The following PXDNL variants were observed in gnomAD, a reference collection of about 807,000 sequenced individuals.
The protein encoded by PXDNL is probable oxidoreductase PXDNL.
In PXDNL, 145 loss-of-function variants were observed where a neutral mutation model predicts 150.8. The observed-to-expected ratio is 0.96, with a 90% CI of 0.84 to 1.10. PXDNL has a LOEUF of 1.10. Ranked by LOEUF, PXDNL falls within the 50% of genes least tolerant of loss-of-function variation. The pLI, the probability that PXDNL is intolerant of heterozygous loss-of-function variation, is 0.00. For missense variants in PXDNL, 2,087 were observed against 1,873.9 expected, an observed-to-expected ratio of 1.11 and a Z score of -2.10; for synonymous variants, 757 against 725.7, an observed-to-expected ratio of 1.04 and a Z score of -0.69.
At chr8:51,533,237 G>C (rs1402224909) in intron 4 of PXDNL, among the ~76,000 whole-genome samples, 1 of 151,872 alleles carries the variant, frequency 6.6e-6, no homozygotes, top group Non-Finnish European at 1.5e-5. Flanking sequence ...TGCAACCTCT[G>C]CCTCCTGGGT....
At chr8:51,720,348 T>A (rs7841882) in intron 1 of PXDNL, among the ~76,000 whole-genome samples, 147,824 of 152,100 alleles carry the variant, frequency 0.97, 71,977 homozygotes, top group East Asian at 1. Context: ...ACACTTTGAA[T>A]ATGTTTTTGG....
At chr8:51,470,589 T>G (rs1377005828) in intron 8 of PXDNL, among the ~76,000 whole-genome samples, 2 of 152,096 alleles carry the variant, frequency 1.3e-5, no homozygotes, top group East Asian at 3.9e-4. Flanking sequence ...TATAGTGCAC[T>G]TAATGTTTCT....
chr8:51,470,219 T>G (rs1810294417), intron 8 of PXDNL, among the ~76,000 whole-genome samples: 2 of 152,118 alleles, frequency 1.3e-5, no homozygotes, highest in South Asian at 4.1e-4. Context: ...TTCTATCAAT[T>G]GAAGTCTTTC....
chr8:51,471,603 T>C (rs1006607817), intron 8 of PXDNL, among the ~76,000 whole-genome samples: 27 of 152,108 alleles, frequency 1.8e-4, no homozygotes, highest in Non-Finnish European at 8.8e-5. Context: ...TTGTTATTAA[T>C]CCCAACATTT....
chr8:51,749,868 T>C (rs1439393399), intron 1 of PXDNL, among the ~76,000 whole-genome samples: 1 of 152,008 alleles, frequency 6.6e-6, no homozygotes, highest in Non-Finnish European at 1.5e-5. Flanking sequence ...GCCCAGCTAA[T>C]TTTTGTATTT....
intron 2 of PXDNL, among the ~76,000 whole-genome samples, chr8:51,618,116 AC>A (rs1466022256): frequency 1.3e-5 from 2 of 152,234 alleles, no homozygotes; most frequent in Non-Finnish European, 2.9e-5. Flanking sequence ...CCCAGGCGCT[AC>A]CTCGCCACAC....
intron 4 of PXDNL, among the ~76,000 whole-genome samples, chr8:51,511,119 A>G (rs1310987384): frequency 8.5e-5 from 13 of 152,308 alleles, no homozygotes; most frequent in African/African-American, 3.1e-4. Flanking sequence ...GGATGGGGCA[A>G]GAGAAGCTTG....
chr8:51,775,102 T>C (rs1205632788), intron 1 of PXDNL, among the ~76,000 whole-genome samples: 2 of 152,166 alleles, frequency 1.3e-5, no homozygotes, highest in East Asian at 1.9e-4. Context: ...ACATTGAACA[T>C]ATATTTATAC....
chr8:51,721,787 T>C (rs1585701072), intron 1 of PXDNL: 3 of 380,770 alleles, frequency 7.9e-6, no homozygotes, highest in East Asian at 1.3e-4. Context: ...ACAGATAGTT[T>C]GGTGGAGCTC....
chr8:51,525,964 C>A (rs1355482377), intron 4 of PXDNL, among the ~76,000 whole-genome samples: 6 of 152,214 alleles, frequency 3.9e-5, no homozygotes, highest in African/African-American at 1.4e-4. Context: ...AAATGGCATG[C>A]TCACTCATAC....
intron 2 of PXDNL, among the ~76,000 whole-genome samples, chr8:51,603,909 C>T (rs1813782223): frequency 6.6e-6 from 1 of 152,130 alleles, no homozygotes; most frequent in Non-Finnish European, 1.5e-5. Context: ...TCACTGTGCT[C>T]ATGCTTTCTC....
At chr8:51,729,027 C>G (rs1046984083) in intron 1 of PXDNL, among the ~76,000 whole-genome samples, 1 of 152,176 alleles carries the variant, frequency 6.6e-6, no homozygotes, top group Non-Finnish European at 1.5e-5. Context: ...TACATAAATA[C>G]TTACCCTTGT....
rs4388454 is a variant in PXDNL, at chr8:51,753,319, C to T, written c.164+55862G>A. 7.9e-3 allele frequency among the ~76,000 whole-genome samples: 1,208 copies of T among 152,130 alleles called. 53 individuals carry two copies. The highest frequency in any genetic ancestry group is 0.067 in the Admixed American group (1,026 of 15,300). On this transcript the variant is annotated intron_variant, in intron 1 of 22. Coordinates refer to ENST00000356297, the MANE Select transcript of PXDNL (RefSeq NM_144651.5). ...GTTTAAGCTACTGTCACATGATTTC[C>T]CAGGTAGGAGATGAATGACGAATAC...
At chr8:51,642,977 A>G (rs997345688) in intron 2 of PXDNL, among the ~76,000 whole-genome samples, 5 of 152,166 alleles carry the variant, frequency 3.3e-5, no homozygotes, top group African/African-American at 4.8e-5. Context: ...TAGGAATCCA[A>G]CTTACAAGGG....
chr8:51,490,727 AGTGTGTGTGTGTGTGT>A (rs35415972), intron 5 of PXDNL, among the ~76,000 whole-genome samples: 12 of 147,234 alleles, frequency 8.2e-5, no homozygotes, highest in African/African-American at 2.5e-4. Flanking sequence ...TTGACTTTCT[AGTGTGTGTGTGTGTGT>A]GTGTGTGTGT....
At chr8:51,346,699 C>G (rs78455999) in intron 19 of PXDNL, among the ~76,000 whole-genome samples, 1 of 152,070 alleles carries the variant, frequency 6.6e-6, no homozygotes, top group East Asian at 1.9e-4. Context: ...TTTACAAGTG[C>G]GTGGGACCTC....
intron 17 of PXDNL, among the ~76,000 whole-genome samples, chr8:51,395,590 A>G (rs1327537997): frequency 6.6e-6 from 1 of 152,242 alleles, no homozygotes; most frequent in Admixed American, 6.5e-5. Context: ...TATTGAATTG[A>G]AAAATAAAGG....
chr8:51,687,920 A>C (rs1258726346), intron 1 of PXDNL, among the ~76,000 whole-genome samples: 2 of 152,222 alleles, frequency 1.3e-5, no homozygotes, highest in African/African-American at 4.8e-5. Context: ...TATTTCCAGC[A>C]TGAAGGATTA....
intron 10 of PXDNL, among the ~76,000 whole-genome samples, chr8:51,452,924 G>GCACACACACAAACACATACACACACA (rs1554541846): frequency 2.1e-4 from 13 of 61,208 alleles, no homozygotes; most frequent in African/African-American, 4.1e-4. Flanking sequence ...ACACACAAAC[G>GCACACACACAAACACATACACACACA]CACACACACA....
Sources: allele counts gnomAD v4.1 joint callset (sites outside exome capture counted in the v4.1 genomes callset), GRCh38; gene constraint gnomAD v4.1.1; transcripts MANE v1.5; gene names NCBI Gene and HGNC (gene_info 2026-07-23, HGNC 2026-07-21).